The following FAM227A variants were observed in gnomAD, a reference collection of about 807,000 sequenced individuals.
FAM227A encodes the protein protein FAM227A.
FAM227A carries 80 observed loss-of-function variants against 74.7 expected under a neutral mutation model. That is an observed-to-expected ratio of 1.07 (90% CI 0.89 to 1.29). The LOEUF is 1.29. FAM227A is among the 50% of genes most tolerant of loss of function. FAM227A has a pLI of 0.00. For synonymous variants in FAM227A, 237 were observed against 241.8 expected, an observed-to-expected ratio of 0.98 and a Z score of 0.19; for missense variants, 654 against 683.4, an observed-to-expected ratio of 0.96 and a Z score of 0.48.
At chr22:38,607,364 T>C (rs755998079) in intron 12 of FAM227A, 25 bp downstream of exon 12, 3 of 1,508,500 alleles carry the variant, frequency 2.0e-6, no homozygotes, top group Non-Finnish European at 1.8e-6. Context: ...AAAGCCTACA[T>C]TTCCCTTTTT....
chr22:38,617,715 G>A (rs1449029669), intron 11 of FAM227A, among the ~76,000 whole-genome samples: 1 of 152,176 alleles, frequency 6.6e-6, no homozygotes, highest in African/African-American at 2.4e-5. Flanking sequence ...AAGATTAGCG[G>A]GGAGGCTGGG....
intron 11 of FAM227A, among the ~76,000 whole-genome samples, chr22:38,617,004 T>G (rs1360657733): frequency 6.6e-6 from 1 of 151,454 alleles, no homozygotes; most frequent in Admixed American, 6.6e-5. Flanking sequence ...GATTTCTCAG[T>G]GAAGACCTTC....
At chr22:38,608,619 TG>T (rs1569202292) in intron 11 of FAM227A, among the ~76,000 whole-genome samples, 2 of 150,496 alleles carry the variant, frequency 1.3e-5, no homozygotes, top group Non-Finnish European at 3.0e-5. Flanking sequence ...TTATTAGAGA[TG>T]GGGTTTCACC....
At chr22:38,627,041 G>T (rs2091824742) in intron 8 of FAM227A, among the ~76,000 whole-genome samples, 1 of 150,088 alleles carries the variant, frequency 6.7e-6, no homozygotes, top group African/African-American at 2.4e-5. Flanking sequence ...AGGCTACAGT[G>T]AGTTATGATT....
chr22:38,581,745 T>TTTG lies in FAM227A; in HGVS notation c.*4379_*4380insCAA, dbSNP rs2090710240. 6.6e-6 allele frequency: 1 copy of TTTG among 151,096 alleles called. No homozygotes were observed. The highest frequency in any genetic ancestry group is 1.5e-5 in the Non-Finnish European group (1 of 67,878). The allele number at this position is 151,096 out of a possible 1,614,324, so 9.4% of individuals were successfully genotyped here. A position where few individuals can be genotyped will look rare whatever the true frequency, so the allele number is the denominator to read the frequency against. ...TTAGCCACCGCACCTGGCTCAGGTT[T>TTTG]TTTTTTTTTTTTTTCCCAGACACAG... On this transcript the variant is annotated 3_prime_UTR_variant, in exon 17 of 17. Transcript: ENST00000535113.
intron 11 of FAM227A, among the ~76,000 whole-genome samples, chr22:38,615,761 T>A (rs1000117809): frequency 6.6e-6 from 1 of 152,112 alleles, no homozygotes; most frequent in Non-Finnish European, 1.5e-5. Flanking sequence ...AATAACCCCA[T>A]CTGATGTATA....
At chr22:38,613,349 TATATA>T (rs1325528660) in intron 11 of FAM227A, among the ~76,000 whole-genome samples, 1 of 44,552 alleles carries the variant, frequency 2.2e-5, no homozygotes, top group Non-Finnish European at 3.8e-5. Context: ...TAACATATAT[TATATA>T]ATATATATCA....
At position 38,621,498 on chromosome 22, in the gene FAM227A, G is replaced by A. The variant is rs148049641; in HGVS notation, c.959-1207C>T. 8.5e-5 allele frequency among the ~76,000 whole-genome samples: 13 copies of A among 152,112 alleles called. No homozygotes were observed. The East Asian group carries it at 2.1e-3, about 25-fold the overall frequency. On this transcript the variant is annotated intron_variant, in intron 10 of 16. Coordinates refer to ENST00000535113, the MANE Select transcript of FAM227A (RefSeq NM_001013647.2). ...GCTAACAGGTAAAAGTGTCTATGTCGGGAGGCTGAGGCAGGAGAATCGCTT... is the reference window on the plus strand; with the variant it reads ...GCTAACAGGTAAAAGTGTCTATGTCAGGAGGCTGAGGCAGGAGAATCGCTT...
intron 3 of FAM227A, 59 bp downstream of exon 3, chr22:38,645,504 G>A (rs2092218108): frequency 2.6e-6 from 3 of 1,157,824 alleles, no homozygotes; most frequent in African/African-American, 1.5e-5. Context: ...ACACCTTGAT[G>A]ATCCCCGGGG....
intron 6 of FAM227A, among the ~76,000 whole-genome samples, chr22:38,631,020 T>C (rs1182909668): frequency 1.3e-5 from 2 of 151,966 alleles, no homozygotes; most frequent in South Asian, 2.1e-4. Flanking sequence ...ATACAAAAAT[T>C]AGCCAGGTGT....
chr22:38,598,777 G>A (rs2091106614), intron 14 of FAM227A, among the ~76,000 whole-genome samples: 1 of 152,038 alleles, frequency 6.6e-6, no homozygotes, highest in Non-Finnish European at 1.5e-5. Flanking sequence ...AAAAAAATGA[G>A]GCACAGAGAG....
Position 38,578,237 on chromosome 22 carries a change from C to T in FAM227A, c.*7888G>A, listed in dbSNP as rs948584338. Reference sequence around the variant, plus strand: ...CATCACCACAAACACGTGACTAATGCGTTACGCTATGACATTACGAAGGCT... The same window carrying T: ...CATCACCACAAACACGTGACTAATGTGTTACGCTATGACATTACGAAGGCT... On this transcript the variant is annotated 3_prime_UTR_variant, in exon 17 of 17. Coordinates refer to ENST00000535113, the MANE Select transcript of FAM227A (RefSeq NM_001013647.2). The T allele has an allele frequency of 7.9e-5, 12 of 152,088 alleles. No homozygotes were observed. The highest frequency in any genetic ancestry group is 2.6e-4 in the Admixed American group (4 of 15,250). The allele number at this position is 152,088 out of a possible 1,614,324, so 9.4% of individuals were successfully genotyped here. A position where few individuals can be genotyped will look rare whatever the true frequency, so the allele number is the denominator to read the frequency against.
At chr22:38,592,350 A>G (rs748079790) in intron 15 of FAM227A, among the ~76,000 whole-genome samples, 1 of 152,196 alleles carries the variant, frequency 6.6e-6, no homozygotes, top group Non-Finnish European at 1.5e-5. Context: ...AATTCACCTA[A>G]TGAGAATTTA....
intron 7 of FAM227A, 127 bp from the exon 8 acceptor site, chr22:38,628,469 A>G: frequency 1.5e-6 from 1 of 668,584 alleles, no homozygotes; most frequent in East Asian, 2.7e-5. Flanking sequence ...TTAGCCTCAT[A>G]TGCTTTATGA....
Position 38,585,872 on chromosome 22 carries a change from T to C in FAM227A, c.*253A>G, listed in dbSNP as rs554079452. ...TATGAGGTCATATTTGTAACATACTTACCAGCATGCACGTAATAAAATACT... is the reference window on the plus strand; with the variant it reads ...TATGAGGTCATATTTGTAACATACTCACCAGCATGCACGTAATAAAATACT... On this transcript the variant is annotated 3_prime_UTR_variant, in exon 17 of 17. Transcript: ENST00000535113. 18 of 787,206 alleles carry C rather than the reference T, an allele frequency of 2.3e-5. No homozygotes were observed. The South Asian group carries it at 3.4e-4, about 15-fold the overall frequency. 48.8% of individuals were successfully genotyped at this position (787,206 alleles called of 1,614,324 possible).
chr22:38,586,634 G>A (rs2090815124), intron 16 of FAM227A, among the ~76,000 whole-genome samples: 1 of 152,076 alleles, frequency 6.6e-6, no homozygotes, highest in Non-Finnish European at 1.5e-5. Context: ...AAGCCTAAAG[G>A]ACTTCCTTTA....
chr22:38,624,261 C>T (rs5757185), intron 9 of FAM227A, among the ~76,000 whole-genome samples: 1 of 151,678 alleles, frequency 6.6e-6, no homozygotes, highest in Non-Finnish European at 1.5e-5. Flanking sequence ...AAAAATTAGC[C>T]GGGCATGGTG....
rs766041253 is a variant in FAM227A, at chr22:38,597,250, T to A, written c.1486A>T (p.Asn496Tyr). The A allele has an allele frequency of 1.3e-6, 2 of 1,552,198 alleles. No homozygotes were observed. Among genetic ancestry groups the A allele is most frequent in the Non-Finnish European group, 1.7e-6 (2 of 1,147,098 alleles). The change falls in exon 15 of 17, where the codon AAT becomes TAT. Residue 496 changes from asparagine (N) to tyrosine (Y), a missense_variant. Coordinates refer to ENST00000535113, the MANE Select transcript of FAM227A (RefSeq NM_001013647.2). ...QLYQHHWTEW[N>Y]YFDKHLKELQ... is the part of the protein sequence containing the mutation. Reference sequence around the variant, plus strand: ...TCCTTTAGATGCTTGTCAAAATAATTCCATTCAGTCCAATGATGCTGGTAC... The same window carrying A: ...TCCTTTAGATGCTTGTCAAAATAATACCATTCAGTCCAATGATGCTGGTAC...
chr22:38,644,879 G>A (rs1450108638), intron 3 of FAM227A, among the ~76,000 whole-genome samples: 1 of 150,662 alleles, frequency 6.6e-6, no homozygotes, highest in Non-Finnish European at 1.5e-5. Flanking sequence ...CTTGAGGTGG[G>A]GAGTTTGAGA....
Sources: gnomAD v4.1 joint callset for allele counts (sites outside exome capture counted in the v4.1 genomes callset) on GRCh38, gnomAD v4.1.1 for gene constraint, MANE v1.5 for transcripts, NCBI Gene and HGNC (gene_info 2026-07-23, HGNC 2026-07-21) for gene names.